The following ADCY2 variants were observed in gnomAD, a reference collection of about 807,000 sequenced individuals.
The protein encoded by ADCY2 is adenylate cyclase 2, also known as adenylate cyclase type 2.
In ADCY2, 31 loss-of-function variants were observed where a neutral mutation model predicts 125.2. That is an observed-to-expected ratio of 0.25 (90% CI 0.19 to 0.33). The LOEUF is 0.33. Ranked by LOEUF, ADCY2 falls within the 10% of genes least tolerant of loss-of-function variation. The probability of loss-of-function intolerance (pLI) is 1.00; values close to 1 mark genes in which losing one functional copy is unlikely to be tolerated. For missense variants in ADCY2, 904 were observed against 1,418.2 expected, an observed-to-expected ratio of 0.64 and a Z score of 5.82; for synonymous variants, 512 against 548.4, an observed-to-expected ratio of 0.93 and a Z score of 0.93.
chr5:7,704,878 CAAA>C (rs71591741), intron 7 of ADCY2, among the ~76,000 whole-genome samples: 6 of 91,182 alleles, frequency 6.6e-5, no homozygotes, highest in African/African-American at 1.2e-4. Flanking sequence ...ACTCCATCTC[CAAA>C]AAAAAAAAAA....
At chr5:7,422,822 C>T (rs1017291711) in intron 2 of ADCY2, among the ~76,000 whole-genome samples, 14 of 151,960 alleles carry the variant, frequency 9.2e-5, no homozygotes, top group Non-Finnish European at 7.4e-5. Context: ...TGAAAATGAG[C>T]GAAAATGAAA....
chr5:7,767,230 G>T (rs1743412434), intron 17 of ADCY2, among the ~76,000 whole-genome samples: 2 of 151,920 alleles, frequency 1.3e-5, no homozygotes, highest in Admixed American at 1.3e-4. Context: ...CTCTTCTTTG[G>T]CAACATACGT....
chr5:7,570,976 T>C (rs1458052574), intron 3 of ADCY2, among the ~76,000 whole-genome samples: 1 of 152,184 alleles, frequency 6.6e-6, no homozygotes, highest in Non-Finnish European at 1.5e-5. Context: ...GTTGATTCTA[T>C]CAGAAATAGG....
chr5:7,759,337 T>TACC (rs1237845722), intron 16 of ADCY2, among the ~76,000 whole-genome samples: 1 of 152,282 alleles, frequency 6.6e-6, no homozygotes, highest in East Asian at 1.9e-4. Flanking sequence ...CCACCACAGC[T>TACC]ACCTCCTCCA....
intron 3 of ADCY2, among the ~76,000 whole-genome samples, chr5:7,552,549 C>T (rs561959369): frequency 1.3e-5 from 2 of 152,198 alleles, no homozygotes; most frequent in South Asian, 4.1e-4. Context: ...AATACAGTAA[C>T]GTTAGTCTTG....
At chr5:7,517,950 A>G (rs1744309476) in intron 2 of ADCY2, among the ~76,000 whole-genome samples, 1 of 152,220 alleles carries the variant, frequency 6.6e-6, no homozygotes, top group Non-Finnish European at 1.5e-5. Context: ...CTGGTACCTG[A>G]AATTATTCAT....
chr5:7,463,604 C>A lies in ADCY2; in HGVS notation c.408+48834C>A, dbSNP rs547747842. On this transcript the variant is annotated intron_variant, in intron 2 of 24. Transcript: ENST00000338316. ...CACATGGATGGGCTTATGCTGAGAG[C>A]ACAAGGTGATAGATAAAAAAAAAAA... is the stretch of plus-strand genomic sequence containing the variant. 1.4e-3 allele frequency among the ~76,000 whole-genome samples: 172 copies of A among 120,436 alleles called. 1 individual carries two copies. The highest frequency in any genetic ancestry group is 5.6e-3 in the African/African-American group (163 of 28,978). The allele number at this position is 120,436 out of a possible 152,430, so 79.0% of individuals were successfully genotyped here. A position where few individuals can be genotyped will look rare whatever the true frequency, so the allele number is the denominator to read the frequency against.
Position 7,616,543 on chromosome 5 carries a change from A to G in ADCY2, c.571-9624A>G, listed in dbSNP as rs140802238. The stretch of plus-strand genomic sequence containing the variant: ...ATTGATTAAAAATAAATGCTCAGCA[A>G]ATGTTTTGTGGAATGACTAAAGGGT... On this transcript the variant is annotated intron_variant, in intron 3 of 24. Transcript: ENST00000338316. Among the ~76,000 whole-genome samples the G allele has an allele frequency of 2.2e-4, 34 of 152,306 alleles. No individual in the cohort carries two copies. The East Asian group carries it at 6.2e-3, about 28-fold the overall frequency.
chr5:7,548,357 G>A (rs1481697954), intron 3 of ADCY2, among the ~76,000 whole-genome samples: 2 of 151,820 alleles, frequency 1.3e-5, no homozygotes, highest in African/African-American at 2.4e-5. Flanking sequence ...GTTGTAAATT[G>A]TGTGTATATA....
chr5:7,413,394 A>C (rs538122051), intron 1 of ADCY2, among the ~76,000 whole-genome samples: 1 of 151,756 alleles, frequency 6.6e-6, no homozygotes, highest in South Asian at 2.1e-4. Flanking sequence ...TCCCAGGTTC[A>C]CGCCATTCTC....
Position 7,590,864 on chromosome 5 carries a change from A to G in ADCY2, c.571-35303A>G, listed in dbSNP as rs967353193. Among the ~76,000 whole-genome samples the G allele has an allele frequency of 2.6e-5, 4 of 152,184 alleles. No individual in the cohort carries two copies. The East Asian group carries it at 7.7e-4, about 29-fold the overall frequency. On this transcript the variant is annotated intron_variant, in intron 3 of 24. Transcript: ENST00000338316. ...ATTAATTTATCTTAACCATTAATAT[A>G]GTCAAGACTCTTATTATTTATTTCT...
At chr5:7,683,511 C>G (rs923977473) in intron 4 of ADCY2, among the ~76,000 whole-genome samples, 3 of 152,172 alleles carry the variant, frequency 2.0e-5, no homozygotes, top group African/African-American at 7.2e-5. Context: ...GACCCAGGCT[C>G]AAAGTCACTA....
chr5:7,514,440 T>G (rs1232573379), intron 2 of ADCY2, among the ~76,000 whole-genome samples: 2 of 152,230 alleles, frequency 1.3e-5, no homozygotes, highest in Non-Finnish European at 2.9e-5. Context: ...GACACTTGCC[T>G]TTCATGTCTG....
chr5:7,627,838 C>G (rs1738185490), intron 4 of ADCY2, among the ~76,000 whole-genome samples: 1 of 152,158 alleles, frequency 6.6e-6, no homozygotes, highest in Non-Finnish European at 1.5e-5. Flanking sequence ...AGGCATGGCT[C>G]TAGGCACTGG....
intron 2 of ADCY2, among the ~76,000 whole-genome samples, chr5:7,452,105 G>A (rs1741494484): frequency 6.6e-6 from 1 of 152,074 alleles, no homozygotes; most frequent in Admixed American, 6.6e-5. Flanking sequence ...TAGAGACAGA[G>A]TTTCACCATG....
intron 3 of ADCY2, among the ~76,000 whole-genome samples, chr5:7,617,681 T>C (rs1025259248): frequency 7.9e-5 from 12 of 152,208 alleles, no homozygotes; most frequent in Non-Finnish European, 1.6e-4. Context: ...AGTCAGAGTA[T>C]GGTGCCAATG....
chr5:7,803,733 T>C (rs1267001357), intron 21 of ADCY2, among the ~76,000 whole-genome samples: 1 of 151,976 alleles, frequency 6.6e-6, no homozygotes, highest in Non-Finnish European at 1.5e-5. Flanking sequence ...ACCCTGTCTC[T>C]GCAAAATAAT....
intron 15 of ADCY2, among the ~76,000 whole-genome samples, chr5:7,751,880 T>G (rs1742836291): frequency 6.6e-6 from 1 of 152,160 alleles, no homozygotes; most frequent in South Asian, 2.1e-4. Flanking sequence ...AGCTCTCTCT[T>G]TGTTTCTGTG....
chr5:7,807,222 C>T (rs1266113575), intron 22 of ADCY2, among the ~76,000 whole-genome samples: 2 of 152,210 alleles, frequency 1.3e-5, no homozygotes, highest in African/African-American at 4.8e-5. Flanking sequence ...CTCCATCAGA[C>T]CCAGTCTTCT....
Sources: gnomAD v4.1 joint callset for allele counts (sites outside exome capture counted in the v4.1 genomes callset) on GRCh38, gnomAD v4.1.1 for gene constraint, MANE v1.5 for transcripts, NCBI Gene and HGNC (gene_info 2026-07-23, HGNC 2026-07-21) for gene names.